Variants in DNAH8 observed in about 807,000 individuals in gnomAD.
DNAH8 encodes dynein axonemal heavy chain 8, also known as axonemal beta dynein heavy chain 8.
DNAH8 carries 382 observed loss-of-function variants against 562.1 expected under a neutral mutation model. That is an observed-to-expected ratio of 0.68 (90% CI 0.63 to 0.74). The LOEUF is 0.74. DNAH8 is among the 30% of genes least tolerant of loss of function. The probability of loss-of-function intolerance (pLI) is 0.00; values close to 1 mark genes in which losing one functional copy is unlikely to be tolerated. For missense variants in DNAH8, 5,203 were observed against 5,620.4 expected (o/e 0.93, Z 2.37); for synonymous variants, 1,881 against 1,919.4 (o/e 0.98, Z 0.52).
chr6:39,019,586 TGA>T (rs1296144669), intron 91 of DNAH8, among the ~76,000 whole-genome samples: 1 of 151,952 alleles, frequency 6.6e-6, no homozygotes, highest in Non-Finnish European at 1.5e-5. Context: ...CGTATAGACG[TGA>T]GAGAGGGGGG....
intron 85 of DNAH8, among the ~76,000 whole-genome samples, chr6:38,982,060 G>A (rs1458942898): frequency 6.6e-6 from 1 of 152,142 alleles, no homozygotes; most frequent in African/African-American, 2.4e-5. Flanking sequence ...TGTAGCCTGG[G>A]AGCAATAGAC....
intron 8 of DNAH8, among the ~76,000 whole-genome samples, chr6:38,745,507 G>T (rs773448265): frequency 7.2e-5 from 11 of 152,114 alleles, no homozygotes; most frequent in Non-Finnish European, 1.5e-4. Flanking sequence ...GTTCCTGCCT[G>T]CTCTTCATCT....
In DNAH8 at chr6:38,845,919, G is replaced by A. The variant is rs1678740; in HGVS notation, c.5045+146G>A. ...TTGTCTGTTCCTATACAAACTGCCC[G>A]TTTTCCCTAATAATCATGGCCTCCA... On this transcript the variant is annotated intron_variant, in intron 36 of 92. Coordinates refer to ENST00000327475, the MANE Select transcript of DNAH8 (RefSeq NM_001206927.2). 111,739 of 649,866 alleles carry A rather than the reference G, an allele frequency of 0.17. 11,793 individuals carry two copies. The highest frequency in any genetic ancestry group is 0.37 in the African/African-American group (19,988 of 54,324). The allele number at this position is 649,866 out of a possible 1,614,324, so 40.3% of individuals were successfully genotyped here.
intron 87 of DNAH8, among the ~76,000 whole-genome samples, chr6:38,988,129 A>G (rs192319928): frequency 1.1e-4 from 16 of 152,192 alleles, no homozygotes; most frequent in Admixed American, 5.9e-4. Context: ...CTGACTTTCA[A>G]TCTCGGGCTT....
chr6:38,734,334 C>CCG lies in DNAH8; in HGVS notation c.611-139_611-138insGC, dbSNP rs1289788263. The CCG allele has an allele frequency of 8.5e-6, 7 of 822,894 alleles. No homozygotes were observed. In the East Asian group the frequency reaches 3.4e-4, roughly 39 times the overall value. The allele number at this position is 822,894 out of a possible 1,614,324, so 51.0% of individuals were successfully genotyped here. A position where few individuals can be genotyped will look rare whatever the true frequency, so the allele number is the denominator to read the frequency against. ...TTGGCATCTTCTAGTAGACCCCCCC[C>CCG]CAAAAAAATTATTCTATGACCGTAT... On this transcript the variant is annotated intron_variant, in intron 4 of 92. Coordinates refer to ENST00000327475, the MANE Select transcript of DNAH8 (RefSeq NM_001206927.2).
At chr6:38,947,900 GCCACGC>G (rs1468919763) in intron 80 of DNAH8, among the ~76,000 whole-genome samples, 1 of 152,004 alleles carries the variant, frequency 6.6e-6, no homozygotes, top group Non-Finnish European at 1.5e-5. Context: ...GATACACGCT[GCCACGC>G]CCAGCTAATT....
At chr6:38,716,021 C>T (rs1174251824) in intron 1 of DNAH8, among the ~76,000 whole-genome samples, 2 of 132,480 alleles carry the variant, frequency 1.5e-5, no homozygotes, top group Admixed American at 1.6e-4. Context: ...TGCAGTGGTG[C>T]GATCTCGGCT....
chr6:38,829,423 A>G (rs1042150103), intron 30 of DNAH8, among the ~76,000 whole-genome samples: 3 of 152,182 alleles, frequency 2.0e-5, no homozygotes, highest in Admixed American at 1.3e-4. Flanking sequence ...TAGAGTTACA[A>G]AGATTTACTG....
Position 38,807,631 on chromosome 6 carries a change from T to C in DNAH8, c.3172T>C (p.Phe1058Leu). 6.4e-7 allele frequency: 1 copy of C among 1,556,024 alleles called. No individual in the cohort carries two copies. Among genetic ancestry groups the C allele is most frequent in the Non-Finnish European group, 8.7e-7 (1 of 1,155,162 alleles). The change falls in exon 24 of 93, where the codon TTT becomes CTT. Residue 1058 changes from phenylalanine (F) to leucine (L), a missense_variant. Physicochemically the swap from Phe to Leu is conservative, Grantham distance 22. Transcript: ENST00000327475. The part of the protein sequence containing the change: ...FKKECKEVFA[F>L]FSHQLLDSLQ... ...ACAGGAGTGTAAAGAGGTCTTTGCT[T>C]TTTTCTCTCATCAATTACTAGACAG...
chr6:38,934,463 T>C (rs1193204393), intron 76 of DNAH8, among the ~76,000 whole-genome samples: 1 of 152,172 alleles, frequency 6.6e-6, no homozygotes, highest in Non-Finnish European at 1.5e-5. Flanking sequence ...GCCATGGCTT[T>C]TGATTGACTG....
At chr6:38,847,071 C>T (rs980004189) in intron 36 of DNAH8, among the ~76,000 whole-genome samples, 5 of 152,114 alleles carry the variant, frequency 3.3e-5, no homozygotes, top group African/African-American at 1.2e-4. Flanking sequence ...CCTAGGACTA[C>T]TTTGATGTGA....
intron 28 of DNAH8, 130 bp from the exon 29 acceptor site, chr6:38,826,022 TACTA>T (rs1165851729): frequency 4.9e-6 from 3 of 608,150 alleles, no homozygotes; most frequent in Admixed American, 3.3e-5. Context: ...ATGTAATTCA[TACTA>T]ACCACATTTC....
chr6:38,814,177 T>A, intron 25 of DNAH8, 48 bp downstream of exon 25: 1 of 1,107,030 alleles, frequency 9.0e-7, no homozygotes, highest in South Asian at 1.3e-5. Context: ...GCTTAAGAAG[T>A]ATAGTACTAG....
chr6:38,716,765 G>C (rs904219656), intron 1 of DNAH8: 2 of 152,188 alleles, frequency 1.3e-5, no homozygotes, highest in African/African-American at 4.8e-5. Context: ...ATGCATTTGG[G>C]ATAGGGTTAC....
At chr6:38,716,284 T>G (rs1156859772) in intron 1 of DNAH8, among the ~76,000 whole-genome samples, 1 of 151,868 alleles carries the variant, frequency 6.6e-6, no homozygotes. Flanking sequence ...TTTTTAAAAA[T>G]TCAAAAATAA....
chr6:38,727,411 G>T (rs1763312248), intron 3 of DNAH8, among the ~76,000 whole-genome samples: 1 of 152,198 alleles, frequency 6.6e-6, no homozygotes, highest in African/African-American at 2.4e-5. Flanking sequence ...AAATGGGAGG[G>T]CAGAAGGGGA....
intron 10 of DNAH8, among the ~76,000 whole-genome samples, chr6:38,758,018 T>C (rs1328319738): frequency 6.6e-6 from 1 of 152,202 alleles, no homozygotes; most frequent in Non-Finnish European, 1.5e-5. Context: ...AGGGCTCTTT[T>C]TTGGTGCCAT....
chr6:39,016,385 A>T (rs2150780764), intron 91 of DNAH8, among the ~76,000 whole-genome samples: 1 of 152,204 alleles, frequency 6.6e-6, no homozygotes, highest in South Asian at 2.1e-4. Flanking sequence ...CCCCGTCTCT[A>T]CTAAAAATAC....
chr6:38,871,970 GC>G (rs1367894470), intron 49 of DNAH8, among the ~76,000 whole-genome samples: 2 of 152,160 alleles, frequency 1.3e-5, no homozygotes, highest in Non-Finnish European at 2.9e-5. Flanking sequence ...CCTCTACAGG[GC>G]TTTGTCCTCA....
Sources: allele counts gnomAD v4.1 joint callset (sites outside exome capture counted in the v4.1 genomes callset), GRCh38; gene constraint gnomAD v4.1.1; transcripts MANE v1.5; gene names NCBI Gene and HGNC (gene_info 2026-07-23, HGNC 2026-07-21).